The following FAM234B variants were observed in gnomAD, a reference collection of about 807,000 sequenced individuals.
FAM234B encodes protein FAM234B.
In FAM234B, 33 loss-of-function variants were observed where a neutral mutation model predicts 69.3. That is an observed-to-expected ratio of 0.48 (90% CI 0.36 to 0.64). The LOEUF (loss-of-function observed/expected upper bound fraction) is 0.64. Among genes scored for constraint, FAM234B ranks in the 30% least tolerant of loss-of-function variants. The probability of loss-of-function intolerance (pLI) is 0.00; values close to 1 mark genes in which losing one functional copy is unlikely to be tolerated. For missense variants in FAM234B, 697 were observed against 769.7 expected (o/e 0.91, Z 1.12); for synonymous variants, 306 against 306.9 (o/e 1.00, Z 0.03).
At chr12:13,075,213 G>A (rs550470751) in intron 10 of FAM234B, among the ~76,000 whole-genome samples, 4 of 152,310 alleles carry the variant, frequency 2.6e-5, no homozygotes, top group Admixed American at 2.0e-4. Context: ...GAACAGATAA[G>A]ATTTTTGTAA....
chr12:13,049,711 C>T (rs1011840837), intron 1 of FAM234B, among the ~76,000 whole-genome samples: 1 of 152,160 alleles, frequency 6.6e-6, no homozygotes, highest in Non-Finnish European at 1.5e-5. Flanking sequence ...TCAGAGAAGA[C>T]GATTTTCCTA....
chr12:13,080,002 C>A lies in FAM234B; in HGVS notation c.1856C>A (p.Pro619His), dbSNP rs747611960. Residue 619 changes from proline to histidine, a missense_variant, in exon 12 of 13, where the codon CCC (proline) becomes CAC (histidine). Pro to His is a moderately conservative substitution (Grantham distance 77). Around this residue, in one of 3 missense-constraint regions of FAM234B, gnomAD observed 313 missense variants for 305.5 expected, o/e 1.02. Transcript: ENST00000197268. ...TCTAGGATAAAGTTTGTTGAAGCTC[C>A]CTACGAGGTGAGTGGCTGCAGAAAT... ...FLSRIKFVEA[P>H]YEI is the part of the protein sequence containing the mutation. The A allele has an allele frequency of 4.1e-5, 65 of 1,591,244 alleles. No individual in the cohort carries two copies. Among genetic ancestry groups the A allele is most frequent in the Middle Eastern group, 1.7e-4 (1 of 5,916 alleles).
At position 13,068,455 on chromosome 12, in the gene FAM234B, T is replaced by C. The variant is rs1865065722; in HGVS notation, c.1286+8T>C. ...ACTTCAAGGCCTGCGCAGGTTTGCATTGTGTTCCTTCTTGTGTTTGCTGTT... is the reference window on the plus strand; with the variant it reads ...ACTTCAAGGCCTGCGCAGGTTTGCACTGTGTTCCTTCTTGTGTTTGCTGTT... On this transcript the variant is annotated splice_region_variant and intron_variant, in intron 8 of 12. Transcript: ENST00000197268. 1 of 1,613,482 alleles carries C rather than the reference T, an allele frequency of 6.2e-7. No individual in the cohort carries two copies. Among genetic ancestry groups the C allele is most frequent in the African/African-American group, 1.3e-5 (1 of 74,914 alleles).
intron 10 of FAM234B, among the ~76,000 whole-genome samples, chr12:13,075,389 A>G (rs547840019): frequency 1.4e-4 from 21 of 151,860 alleles, no homozygotes; most frequent in Middle Eastern, 3.4e-3. Context: ...ACATCTTGTC[A>G]GATTCCTCTC....
chr12:13,058,598 G>A (rs1019151423), intron 3 of FAM234B, 49 bp downstream of exon 3: 2 of 1,472,300 alleles, frequency 1.4e-6, no homozygotes, highest in African/African-American at 2.8e-5. Context: ...CTGTCAGCTA[G>A]GAGAAAACAT....
intron 5 of FAM234B, 99 bp downstream of exon 5, chr12:13,063,074 T>G: frequency 7.2e-7 from 1 of 1,380,154 alleles, no homozygotes; most frequent in Non-Finnish European, 1.0e-6. Flanking sequence ...GCTTGAAATG[T>G]TCTTTTTACA....
chr12:13,073,808 T>G (rs1205207986), intron 10 of FAM234B, among the ~76,000 whole-genome samples: 1 of 152,230 alleles, frequency 6.6e-6, no homozygotes, highest in East Asian at 1.9e-4. Flanking sequence ...TTGGTTCTCT[T>G]CAGTTAGGGC....
chr12:13,055,949 G>C lies in FAM234B; in HGVS notation c.433+3G>C. On this transcript the variant is annotated splice_donor_region_variant and intron_variant, in intron 2 of 12. Coordinates refer to ENST00000197268, the MANE Select transcript of FAM234B (RefSeq NM_020853.2). ...CCGCCACTTGGGCTCCCAGGGAGGT[G>C]AGCTGCAGAATCTTCAGCCCTAATC... The C allele has an allele frequency of 6.5e-7, 1 of 1,548,358 alleles. No homozygotes were observed. Among genetic ancestry groups the C allele is most frequent in the Non-Finnish European group, 8.7e-7 (1 of 1,149,048 alleles).
intron 5 of FAM234B, among the ~76,000 whole-genome samples, chr12:13,066,185 C>T (rs948539421): frequency 1.3e-5 from 2 of 152,194 alleles, no homozygotes; most frequent in African/African-American, 4.8e-5. Context: ...GTTTGCTGTT[C>T]TCTCTTTGAG....
intron 10 of FAM234B, among the ~76,000 whole-genome samples, chr12:13,075,448 T>A (rs1865148838): frequency 6.7e-6 from 1 of 149,546 alleles, no homozygotes; most frequent in Non-Finnish European, 1.5e-5. Context: ...TTTTTTTTTT[T>A]ATTTTTTGAG....
Position 13,058,428 on chromosome 12 carries a change from T to A in FAM234B, c.434-23T>A, listed in dbSNP as rs759693562. ...TTGTGGTAACTTGCTCAGGACCTTT[T>A]TGGTTTTTTATGTGTATAACAGGTG... On this transcript the variant is annotated intron_variant, in intron 2 of 12. Transcript: ENST00000197268. 6.2e-6 allele frequency: 10 copies of A among 1,605,390 alleles called. No individual in the cohort carries two copies. The Admixed American group carries it at 1.7e-4, about 27-fold the overall frequency.
At chr12:13,068,276 C>A (rs200140580) in intron 7 of FAM234B, 28 bp from the exon 8 acceptor site, 3 of 1,613,690 alleles carry the variant, frequency 1.9e-6, no homozygotes. Context: ...AAGCCAGAGA[C>A]TAACCGTTGG....
chr12:13,072,805 A>T (rs1168573364), intron 10 of FAM234B, among the ~76,000 whole-genome samples: 1 of 152,134 alleles, frequency 6.6e-6, no homozygotes, highest in Non-Finnish European at 1.5e-5. Flanking sequence ...AAGCACTGAT[A>T]CCAGCCGTTT....
At chr12:13,051,109 A>C (rs941531861) in intron 1 of FAM234B, among the ~76,000 whole-genome samples, 9 of 152,146 alleles carry the variant, frequency 5.9e-5, no homozygotes, top group Middle Eastern at 3.2e-3. Context: ...AGAAATGCCC[A>C]CTTTTGCCAT....
intron 2 of FAM234B, among the ~76,000 whole-genome samples, chr12:13,058,009 T>C (rs1864948656): frequency 6.6e-6 from 1 of 152,168 alleles, no homozygotes. Flanking sequence ...TTGGTTGGAG[T>C]AGAGCAGTTA....
Position 13,062,979 on chromosome 12 carries a change from T to G in FAM234B, c.852+4T>G. 2 of 1,613,768 alleles carry G rather than the reference T, an allele frequency of 1.2e-6. No individual in the cohort carries two copies. Among genetic ancestry groups the G allele is most frequent in the Non-Finnish European group, 1.7e-6 (2 of 1,179,780 alleles). ...TCTGGCCATTGGGGAATTGCAGGTATGATCTCTATTAAATGTTTTTTGTTT... is the reference window on the plus strand; with the variant it reads ...TCTGGCCATTGGGGAATTGCAGGTAGGATCTCTATTAAATGTTTTTTGTTT... On this transcript the variant is annotated splice_donor_region_variant and intron_variant, in intron 5 of 12. Transcript: ENST00000197268.
At chr12:13,049,715 T>C (rs1864854328) in intron 1 of FAM234B, among the ~76,000 whole-genome samples, 1 of 152,256 alleles carries the variant, frequency 6.6e-6, no homozygotes, top group Non-Finnish European at 1.5e-5. Flanking sequence ...AGAAGACGAT[T>C]TTCCTAAATT....
intron 2 of FAM234B, among the ~76,000 whole-genome samples, chr12:13,056,791 TG>T (rs1265949571): frequency 6.6e-6 from 1 of 152,178 alleles, no homozygotes; most frequent in Admixed American, 6.5e-5. Flanking sequence ...CACAATCTCT[TG>T]TGTGTCCCTC....
In FAM234B at chr12:13,067,062, T is replaced by C. The variant is rs1032523071; in HGVS notation, c.1001-93T>C. 7 of 1,466,626 alleles carry C rather than the reference T, an allele frequency of 4.8e-6. No individual in the cohort carries two copies. The African/African-American group carries it at 8.3e-5, about 17-fold the overall frequency. 90.9% of individuals were successfully genotyped at this position (1,466,626 alleles called of 1,614,324 possible). A position where few individuals can be genotyped will look rare whatever the true frequency, so the allele number is the denominator to read the frequency against. ...GTCTGGGCGGGCTCTGTTAGACCCA[T>C]CTGGTCAGGCTCTGTGTCTCTTGCT... On this transcript the variant is annotated intron_variant, in intron 6 of 12. Transcript: ENST00000197268. The surrounding 1 kb of genome is among the most constrained non-coding windows in gnomAD (Gnocchi z 4.7).
Sources: allele counts gnomAD v4.1 joint callset (sites outside exome capture counted in the v4.1 genomes callset), GRCh38; gene constraint gnomAD v4.1.1; regional missense constraint gnomAD v4.1.1; non-coding constraint Gnocchi (gnomAD v3.1); transcripts MANE v1.5; gene names NCBI Gene and HGNC (gene_info 2026-07-23, HGNC 2026-07-21).